Variants in PTPRJ observed in about 807,000 individuals in gnomAD.
PTPRJ encodes protein tyrosine phosphatase receptor type J.
In PTPRJ, 129 loss-of-function variants were observed where a neutral mutation model predicts 141.3. The ratio of observed to expected loss-of-function variants is 0.91; its 90% CI spans 0.79 to 1.06. The LOEUF (loss-of-function observed/expected upper bound fraction) is 1.06. PTPRJ is among the 50% of genes least tolerant of loss of function. The pLI is 0.00. For synonymous variants in PTPRJ, 610 were observed against 640.5 expected (o/e 0.95, Z 0.72); for missense variants, 1,601 against 1,679.7 (o/e 0.95, Z 0.82).
intron 1 of PTPRJ, among the ~76,000 whole-genome samples, chr11:48,083,756 GA>G (rs1238833761): frequency 6.6e-6 from 1 of 152,180 alleles, no homozygotes; most frequent in African/African-American, 2.4e-5. Flanking sequence ...AATATTTGTG[GA>G]ATGAATGAAT....
At chr11:48,002,193 G>C (rs1340813515) in intron 1 of PTPRJ, among the ~76,000 whole-genome samples, 1 of 148,662 alleles carries the variant, frequency 6.7e-6, no homozygotes, top group African/African-American at 2.5e-5. Context: ...GCTGGAGTGC[G>C]GTGGCGCCAT....
At chr11:48,098,428 C>G (rs1049975442) in intron 1 of PTPRJ, among the ~76,000 whole-genome samples, 2 of 152,114 alleles carry the variant, frequency 1.3e-5, no homozygotes, top group Admixed American at 1.3e-4. Context: ...ACAGGGCCTG[C>G]TTTGAGAAGG....
chr11:48,123,328 A>G (rs556496471), intron 4 of PTPRJ, among the ~76,000 whole-genome samples: 2 of 152,328 alleles, frequency 1.3e-5, no homozygotes, highest in South Asian at 2.1e-4. Flanking sequence ...ATTGGGGTTA[A>G]TCTTGGAGAA....
At chr11:48,164,864 C>A (rs1857881444) in intron 24 of PTPRJ, among the ~76,000 whole-genome samples, 1 of 152,160 alleles carries the variant, frequency 6.6e-6, no homozygotes, top group Admixed American at 6.5e-5. Flanking sequence ...CTTTGCCTGG[C>A]CCTTCCCCTC....
At chr11:48,099,406 C>A (rs1422762403) in intron 1 of PTPRJ, among the ~76,000 whole-genome samples, 1 of 152,234 alleles carries the variant, frequency 6.6e-6, no homozygotes, top group Non-Finnish European at 1.5e-5. Flanking sequence ...TGGAACTCAG[C>A]TACAGTCGTT....
rs761372827 is a variant in PTPRJ, at chr11:48,144,898, G to C, written c.2786+13G>C. On this transcript the variant is annotated intron_variant, in intron 13 of 24. Coordinates refer to ENST00000418331, the MANE Select transcript of PTPRJ (RefSeq NM_002843.4). The stretch of plus-strand genomic sequence containing the variant: ...TGGGCTCCTACCGGTAATGTCTTCT[G>C]GTTCTTACTCTTTGGGGGCTGAGCC... The C allele has an allele frequency of 5.0e-6, 8 of 1,613,838 alleles. No individual in the cohort carries two copies. The highest frequency in any genetic ancestry group is 2.2e-5 in the South Asian group (2 of 91,068).
chr11:48,108,489 T>C (rs992938169), intron 1 of PTPRJ, among the ~76,000 whole-genome samples: 1 of 152,170 alleles, frequency 6.6e-6, no homozygotes, highest in Non-Finnish European at 1.5e-5. Context: ...AGACAAGGGA[T>C]GTAGAAAGCC....
At position 48,128,071 on chromosome 11, in the gene PTPRJ, C is replaced by G. The variant is rs1201676180; in HGVS notation, c.1357+28C>G. The G allele has an allele frequency of 4.4e-6, 7 of 1,600,022 alleles. No homozygotes were observed. The African/African-American group carries it at 6.7e-5, about 15-fold the overall frequency. On this transcript the variant is annotated intron_variant, in intron 7 of 24. Transcript: ENST00000418331. ...GAGTTCATGCCTGGCTCTCACCACCCTTTCCTGCTGTCCTGCTCCGTGCCA... is the reference window on the plus strand; with the variant it reads ...GAGTTCATGCCTGGCTCTCACCACCGTTTCCTGCTGTCCTGCTCCGTGCCA...
At chr11:47,996,570 C>A (rs1854342895) in intron 1 of PTPRJ, among the ~76,000 whole-genome samples, 1 of 152,176 alleles carries the variant, frequency 6.6e-6, no homozygotes, top group Non-Finnish European at 1.5e-5. Context: ...TGAGGGAAGG[C>A]ATGTAAGGCA....
chr11:48,098,077 A>G (rs1436765338), intron 1 of PTPRJ, among the ~76,000 whole-genome samples: 3 of 152,084 alleles, frequency 2.0e-5, no homozygotes, highest in African/African-American at 4.8e-5. Context: ...AATCCCTAGG[A>G]TCTTGTCCCC....
intron 8 of PTPRJ, chr11:48,131,489 T>C: frequency 1.3e-6 from 1 of 775,078 alleles, no homozygotes; most frequent in Non-Finnish European, 2.4e-6. Flanking sequence ...TATTCTTTCC[T>C]CTTAATAAAA....
intron 1 of PTPRJ, among the ~76,000 whole-genome samples, chr11:48,086,167 T>C (rs756351036): frequency 2.2e-4 from 34 of 152,066 alleles, no homozygotes; most frequent in Non-Finnish European, 4.1e-4. Flanking sequence ...AAAAGGACAT[T>C]TATTATATTT....
chr11:48,138,677 A>T (rs1484151420), intron 10 of PTPRJ, among the ~76,000 whole-genome samples: 1 of 152,234 alleles, frequency 6.6e-6, no homozygotes, highest in Non-Finnish European at 1.5e-5. Context: ...GCAGTATGTT[A>T]TGTGAGTAGA....
chr11:47,984,177 ACCCAAGCTTT>A (rs1363258794), intron 1 of PTPRJ, among the ~76,000 whole-genome samples: 1 of 152,244 alleles, frequency 6.6e-6, no homozygotes, highest in African/African-American at 2.4e-5. Flanking sequence ...ACCATGGAAT[ACCCAAGCTTT>A]CCTAAGCAGA....
At chr11:47,987,186 G>GC (rs1015416135) in intron 1 of PTPRJ, among the ~76,000 whole-genome samples, 1 of 151,770 alleles carries the variant, frequency 6.6e-6, no homozygotes, top group African/African-American at 2.4e-5. Context: ...TCCAACCCAG[G>GC]CAACAGAGTG....
In PTPRJ at chr11:48,136,294, C is replaced by T; in HGVS notation, c.1871C>T (p.Thr624Ile). 2 of 1,613,400 alleles carry T rather than the reference C, an allele frequency of 1.2e-6. No individual in the cohort carries two copies. Among genetic ancestry groups the T allele is most frequent in the Non-Finnish European group, 1.7e-6 (2 of 1,179,512 alleles). The change falls in exon 9 of 25, where the codon ACA becomes ATA. Residue 624 changes from threonine (T) to isoleucine (I), a missense_variant and splice_region_variant. Thr to Ile is a moderately conservative substitution (Grantham distance 89, BLOSUM62 -1). Transcript: ENST00000418331. ...WGDPNSTAQY[T>I]RPSNVSNIDV... ...GACCCCAACTCCACTGCACAGTACA[C>T]ACGTAAGTCTCTTAGGATGCCCTTC...
intron 1 of PTPRJ, among the ~76,000 whole-genome samples, chr11:48,004,665 G>C (rs191579835): frequency 8.5e-4 from 129 of 152,250 alleles, no homozygotes; most frequent in African/African-American, 3.0e-3. Context: ...AGGCCTGCAG[G>C]GGGGAAGACT....
chr11:48,144,968 G>C (rs1387698536), intron 13 of PTPRJ, 32 bp from the exon 14 acceptor site: 1 of 1,614,140 alleles, frequency 6.2e-7, no homozygotes, highest in Non-Finnish European at 8.5e-7. Context: ...ACACGTCTCA[G>C]GGACCTCTTT....
chr11:48,100,368 G>A (rs1468230168), intron 1 of PTPRJ, among the ~76,000 whole-genome samples: 1 of 152,136 alleles, frequency 6.6e-6, no homozygotes, highest in Non-Finnish European at 1.5e-5. Flanking sequence ...CCTTCCCAAG[G>A]CTGTGCTAGT....
Sources: gnomAD v4.1 joint callset for allele counts (sites outside exome capture counted in the v4.1 genomes callset) on GRCh38, gnomAD v4.1.1 for gene constraint, MANE v1.5 for transcripts, NCBI Gene and HGNC (gene_info 2026-07-23, HGNC 2026-07-21) for gene names.